CCDC88C: variants seen among roughly 807,000 people sequenced by gnomAD.
CCDC88C encodes coiled-coil and HOOK domain protein 88C.
A neutral mutation model predicts 198.8 loss-of-function variants in CCDC88C; 131 were observed. The ratio of observed to expected loss-of-function variants is 0.66; its 90% CI spans 0.57 to 0.76. CCDC88C has a LOEUF of 0.76. Ranked by LOEUF, CCDC88C falls within the 30% of genes least tolerant of loss-of-function variation. The pLI is 0.00. For missense variants in CCDC88C, 2,553 were observed against 2,631.6 expected, an observed-to-expected ratio of 0.97 and a Z score of 0.65; for synonymous variants, 1,166 against 1,114.7, an observed-to-expected ratio of 1.05 and a Z score of -0.92.
intron 4 of CCDC88C, among the ~76,000 whole-genome samples, chr14:91,344,385 C>A (rs1200947742): frequency 6.6e-6 from 1 of 152,172 alleles, no homozygotes; most frequent in Non-Finnish European, 1.5e-5. Context: ...TAATGAACCT[C>A]CACAATACAC....
Position 91,342,460 on chromosome 14 carries a change from C to G in CCDC88C, c.403G>C (p.Glu135Gln), listed in dbSNP as rs867765783. Reference sequence around the variant, plus strand: ...CTTTCAATGAACTCCTCTTTCCTCTCACACTGCGGAGGGTTACATGTGTTA... The same window carrying G: ...CTTTCAATGAACTCCTCTTTCCTCTGACACTGCGGAGGGTTACATGTGTTA... ...LLVLGCAVQC[E>Q]RKEEFIERIK... Residue 135 changes from glutamate (E) to glutamine (Q), a missense_variant, in exon 6 of 30, where the codon GAG becomes CAG. Glu to Gln is a conservative substitution (Grantham distance 29). Transcript: ENST00000389857. 6.3e-7 allele frequency: 1 copy of G among 1,582,490 alleles called. No homozygotes were observed. The highest frequency in any genetic ancestry group is 8.6e-7 in the Non-Finnish European group (1 of 1,161,598).
Position 91,272,971 on chromosome 14 carries a change from C to T in CCDC88C, c.5741G>A (p.Gly1914Asp). The T allele has an allele frequency of 6.4e-7, 1 of 1,557,070 alleles. No homozygotes were observed. Residue 1914 changes from glycine to aspartate, a missense_variant, in exon 30 of 30, where the codon GGT (glycine) becomes GAT (aspartate). Coordinates refer to ENST00000389857, the MANE Select transcript of CCDC88C (RefSeq NM_001080414.4). ...GCTGCCACTGCCAGCAGCAGCAGCA[C>T]CAGCACCTGCAGTGGCAATGGCGGG... ...TAPAIATAGA[G>D]AAAAGSGSNS...
intron 3 of CCDC88C, among the ~76,000 whole-genome samples, chr14:91,375,611 C>T (rs908001477): frequency 2.0e-5 from 3 of 152,106 alleles, no homozygotes; most frequent in Admixed American, 6.5e-5. Flanking sequence ...CCCGCAGGGC[C>T]GGCCGAGAGC....
intron 3 of CCDC88C, among the ~76,000 whole-genome samples, chr14:91,405,328 T>G (rs7146002): frequency 0.39 from 59,721 of 151,978 alleles, 12,441 homozygotes; most frequent in East Asian, 0.44. Context: ...ATGCGCGACC[T>G]TGATGTGTCT....
chr14:91,309,556 G>A lies in CCDC88C; in HGVS notation c.2864+303C>T, dbSNP rs1786905146. Among the ~76,000 whole-genome samples the A allele has an allele frequency of 2.0e-5, 3 of 147,872 alleles. No homozygotes were observed. In the Admixed American group the frequency reaches 2.0e-4, roughly 10 times the overall value. ...ACCCGGGAGGTGGACATGGAGGTAA[G>A]CCGAAATCATAATACTACACTCCAG... On this transcript the variant is annotated intron_variant, in intron 16 of 29. Coordinates refer to ENST00000389857, the MANE Select transcript of CCDC88C (RefSeq NM_001080414.4).
rs1243875108 is a variant in CCDC88C at position 91,394,887 on chromosome 14, A to G, written c.270+13772T>C. On this transcript the variant is annotated intron_variant, in intron 3 of 29. Coordinates refer to ENST00000389857, the MANE Select transcript of CCDC88C (RefSeq NM_001080414.4). ...GGGGTCCTTGGATAATCCGCTCAGT[A>G]ACAAATGAACACAGAGTGGCCAGGG... 3.3e-5 allele frequency among the ~76,000 whole-genome samples: 5 copies of G among 152,196 alleles called. No homozygotes were observed. The East Asian group carries it at 9.6e-4, about 29-fold the overall frequency.
chr14:91,383,360 C>G (rs748919148), intron 3 of CCDC88C, among the ~76,000 whole-genome samples: 6 of 152,206 alleles, frequency 3.9e-5, no homozygotes, highest in Non-Finnish European at 8.8e-5. Flanking sequence ...ATGAACAGAA[C>G]CCCCAAGAAA....
chr14:91,346,919 G>A (rs1461222879), intron 4 of CCDC88C, among the ~76,000 whole-genome samples: 2 of 152,126 alleles, frequency 1.3e-5, no homozygotes, highest in Non-Finnish European at 2.9e-5. Context: ...AGAGAAAAGG[G>A]AATGCCCACA....
At chr14:91,332,334 C>T (rs967134342) in intron 10 of CCDC88C, among the ~76,000 whole-genome samples, 4 of 152,204 alleles carry the variant, frequency 2.6e-5, no homozygotes, top group Admixed American at 2.0e-4. Flanking sequence ...GGACACCCCA[C>T]GCCCGCCCGC....
rs1596124185 is a variant in CCDC88C at position 91,371,537 on chromosome 14, T to C, written c.271-11826A>G. Among the ~76,000 whole-genome samples, 1 of 151,966 alleles carries C rather than the reference T, an allele frequency of 6.6e-6. No homozygotes were observed. The highest frequency in any genetic ancestry group is 1.9e-4 in the East Asian group (1 of 5,154). ...GCACAGACCAAGACCACAGTCTTGG[T>C]CCCGAGGAGCCTGTGGAGTCACAGA... On this transcript the variant is annotated intron_variant, in intron 3 of 29. Coordinates refer to ENST00000389857, the MANE Select transcript of CCDC88C (RefSeq NM_001080414.4). This position sits in a 1 kb window ranked among gnomAD's most constrained non-coding sequence, Gnocchi z 4.2.
chr14:91,339,470 C>T lies in CCDC88C; in HGVS notation c.625-8G>A, dbSNP rs369883323. 1.4e-5 allele frequency: 22 copies of T among 1,599,346 alleles called. No homozygotes were observed. The African/African-American group carries it at 2.3e-4, about 17-fold the overall frequency. On this transcript the variant is annotated splice_polypyrimidine_tract_variant and splice_region_variant and intron_variant, in intron 7 of 29. Transcript: ENST00000389857. The surrounding 1 kb of genome is among the most constrained non-coding windows in gnomAD (Gnocchi z 5.8). The stretch of plus-strand genomic sequence containing the variant: ...AGTGAGGTCCACGATCAGCTGCAGC[C>T]GGGCAGAGAGGGGGATGGAGGAGAA...
At chr14:91,283,228 G>T in intron 26 of CCDC88C, 101 bp downstream of exon 26, 1 of 1,226,774 alleles carries the variant, frequency 8.2e-7, no homozygotes, top group South Asian at 1.4e-5. Context: ...CCACCTCTCA[G>T]ACTGAGAGGG....
intron 13 of CCDC88C, among the ~76,000 whole-genome samples, chr14:91,318,059 T>C (rs1005559577): frequency 6.6e-6 from 1 of 152,174 alleles, no homozygotes; most frequent in African/African-American, 2.4e-5. Context: ...ATTATTTTTA[T>C]CATGGCCAAG....
In CCDC88C at chr14:91,289,347, G is replaced by GT. The variant is rs1363939354; in HGVS notation, c.4203-5dup. ...GGCTCCAATCCAGTGGTTCTTCCTG[G>GT]TTAGAAGTAGATGTTTAGGACATAG... is the stretch of plus-strand genomic sequence containing the variant. On this transcript the variant is annotated splice_polypyrimidine_tract_variant and splice_region_variant and intron_variant, in intron 24 of 29. Transcript: ENST00000389857. 1.2e-6 allele frequency: 2 copies of GT among 1,612,930 alleles called. No individual in the cohort carries two copies. The highest frequency in any genetic ancestry group is 1.7e-6 in the Non-Finnish European group (2 of 1,179,074).
intron 17 of CCDC88C, among the ~76,000 whole-genome samples, chr14:91,307,777 TTG>T (rs1327643874): frequency 2.6e-5 from 4 of 152,160 alleles, no homozygotes; most frequent in Non-Finnish European, 5.9e-5. Context: ...GAGCATGTGT[TTG>T]TGTGTGGAGT....
At chr14:91,358,543 C>T (rs1852647533) in intron 4 of CCDC88C, among the ~76,000 whole-genome samples, 1 of 152,240 alleles carries the variant, frequency 6.6e-6, no homozygotes, top group Non-Finnish European at 1.5e-5. Context: ...TGCAGGTAAA[C>T]ACACACAGGT....
chr14:91,359,539 T>C (rs1411780232), intron 4 of CCDC88C, 103 bp downstream of exon 4: 6 of 847,862 alleles, frequency 7.1e-6, no homozygotes, highest in South Asian at 1.5e-5. Flanking sequence ...GTGTTTTCAC[T>C]GTGCTGGCCC....
chr14:91,324,733 C>T (rs1353585553), intron 12 of CCDC88C, 46 bp downstream of exon 12: 8 of 1,598,928 alleles, frequency 5.0e-6, no homozygotes, highest in South Asian at 1.1e-5. Flanking sequence ...CTGGAGGCAG[C>T]GGCGGCCACG....
intron 2 of CCDC88C, among the ~76,000 whole-genome samples, chr14:91,413,292 A>G (rs1419191319): frequency 6.6e-6 from 1 of 152,182 alleles, no homozygotes; most frequent in East Asian, 1.9e-4. Flanking sequence ...TTCTATATAC[A>G]TAGTTTTATT....
Sources: gnomAD v4.1 joint callset for allele counts (sites outside exome capture counted in the v4.1 genomes callset) on GRCh38, gnomAD v4.1.1 for gene constraint, Gnocchi (gnomAD v3.1) non-coding constraint, MANE v1.5 for transcripts, NCBI Gene and HGNC (gene_info 2026-07-23, HGNC 2026-07-21) for gene names.